MOGAT1: variants seen among roughly 807,000 people sequenced by gnomAD.
MOGAT1 encodes 2-acylglycerol O-acyltransferase 1.
In MOGAT1, 32 loss-of-function variants were observed where a neutral mutation model predicts 31.4. That is an observed-to-expected ratio of 1.02 (90% confidence interval 0.77 to 1.37). The LOEUF is 1.37. MOGAT1 is among the 40% of genes most tolerant of loss of function. MOGAT1 has a pLI of 0.00. For missense variants in MOGAT1, 426 were observed against 402.0 expected (o/e 1.06, Z -0.51); for synonymous variants, 145 against 144.5 (o/e 1.00, Z -0.03).
At chr2:222,698,925 T>G (rs7601761) in intron 5 of MOGAT1, 61,797 of 152,430 alleles carry the variant, frequency 0.41, 13,075 homozygotes, top group African/African-American at 0.51. Context: ...AACTCCAGCA[T>G]TTCTTGTGTG....
chr2:222,683,920 G>T (rs1692623230), intron 1 of MOGAT1, among the ~76,000 whole-genome samples: 1 of 152,168 alleles, frequency 6.6e-6, no homozygotes, highest in Admixed American at 6.5e-5. Context: ...AACTTTTAAA[G>T]TTATCAACAT....
intron 5 of MOGAT1, among the ~76,000 whole-genome samples, chr2:222,705,263 C>A (rs1574978645): frequency 6.6e-6 from 1 of 152,162 alleles, no homozygotes; most frequent in African/African-American, 2.4e-5. Context: ...GTTTTATCAG[C>A]AAGGTCTTTG....
At chr2:222,704,054 A>G (rs188902746) in intron 5 of MOGAT1, among the ~76,000 whole-genome samples, 8 of 152,320 alleles carry the variant, frequency 5.3e-5, no homozygotes, top group Admixed American at 4.6e-4. Context: ...GCAGTTGAGC[A>G]TACCAGCTAT....
chr2:222,674,324 A>G (rs1425561926), intron 1 of MOGAT1, among the ~76,000 whole-genome samples: 1 of 152,258 alleles, frequency 6.6e-6, no homozygotes, highest in Non-Finnish European at 1.5e-5. Flanking sequence ...AATTTCAAAC[A>G]TACAGAAACT....
chr2:222,677,617 G>A (rs756455391), intron 1 of MOGAT1: 3 of 292,678 alleles, frequency 1.0e-5, no homozygotes, highest in Non-Finnish European at 2.0e-5. Flanking sequence ...ACTATAAGGA[G>A]AGAAAAAGAA....
chr2:222,692,231 GC>G (rs1254828827), intron 3 of MOGAT1, among the ~76,000 whole-genome samples: 4 of 152,180 alleles, frequency 2.6e-5, no homozygotes, highest in African/African-American at 9.7e-5. Flanking sequence ...GCTAACAGTG[GC>G]AATGGCACTG....
chr2:222,708,149 T>A (rs968974303), intron 5 of MOGAT1, among the ~76,000 whole-genome samples: 1 of 152,218 alleles, frequency 6.6e-6, no homozygotes, highest in African/African-American at 2.4e-5. Flanking sequence ...AGTGGCGCAA[T>A]CCGGTCTTAC....
intron 1 of MOGAT1, among the ~76,000 whole-genome samples, chr2:222,686,963 A>G (rs1361910322): frequency 6.6e-6 from 1 of 151,752 alleles, no homozygotes; most frequent in African/African-American, 2.4e-5. Flanking sequence ...AAAATACAAA[A>G]ATTAGCTGGG....
At chr2:222,672,095 C>CT (rs1449931708) in intron 1 of MOGAT1, among the ~76,000 whole-genome samples, 1 of 152,192 alleles carries the variant, frequency 6.6e-6, no homozygotes, top group African/African-American at 2.4e-5. Flanking sequence ...TCCTGCGTTA[C>CT]TTTTTTAAAT....
chr2:222,692,277 T>C lies in MOGAT1; in HGVS notation c.479-2085T>C, dbSNP rs114562049. 6.9e-3 allele frequency among the ~76,000 whole-genome samples: 1,046 copies of C among 152,308 alleles called. 12 individuals are homozygous for C. The highest frequency in any genetic ancestry group is 0.024 in the African/African-American group (982 of 41,572). On this transcript the variant is annotated intron_variant, in intron 3 of 5. Transcript: ENST00000446656. The stretch of plus-strand genomic sequence containing the variant: ...AAGAGGAGATTAATATCAAAAATAT[T>C]TGATACAGTCTCTAAGACTTAATGA...
At chr2:222,684,927 T>C (rs1318232873) in intron 1 of MOGAT1, among the ~76,000 whole-genome samples, 2 of 152,218 alleles carry the variant, frequency 1.3e-5, no homozygotes, top group Admixed American at 1.3e-4. Context: ...GGGCAAACTT[T>C]ATGCAAGATT....
At chr2:222,681,971 C>T (rs558215937) in intron 1 of MOGAT1, among the ~76,000 whole-genome samples, 1 of 152,290 alleles carries the variant, frequency 6.6e-6, no homozygotes, top group East Asian at 1.9e-4. Context: ...GCGTTATATA[C>T]TTATTTACAC....
rs749466814 is a variant in MOGAT1, at chr2:222,689,339, T to G, written c.348T>G (p.Val116=). ...TTCACCCCCATGGAATAATGGCAGT[T>G]GGAGCCTTTGGGAATTTTTCTGTAA... The part of the protein sequence containing the change: ...FGFHPHGIMA[V]GAFGNFSVNY... Residue 116 remains valine (V), a synonymous_variant, in exon 3 of 6, where the codon GTT becomes GTG. Coordinates refer to ENST00000446656, the MANE Select transcript of MOGAT1 (RefSeq NM_058165.3). 1 of 1,614,062 alleles carries G rather than the reference T, an allele frequency of 6.2e-7. No homozygotes were observed. The highest frequency in any genetic ancestry group is 2.2e-5 in the East Asian group (1 of 44,886).
intron 5 of MOGAT1, among the ~76,000 whole-genome samples, chr2:222,699,790 G>A (rs559839984): frequency 2.6e-5 from 4 of 152,046 alleles, no homozygotes; most frequent in Non-Finnish European, 5.9e-5. Flanking sequence ...GAGCCACCGC[G>A]CCCAGCTTCT....
intron 1 of MOGAT1, among the ~76,000 whole-genome samples, chr2:222,673,047 G>A (rs1692445054): frequency 6.6e-6 from 1 of 151,716 alleles, no homozygotes; most frequent in Admixed American, 6.6e-5. Context: ...CCGAGTAGCT[G>A]GGGTTACAGG....
chr2:222,706,742 A>G (rs915433248), intron 5 of MOGAT1, among the ~76,000 whole-genome samples: 14 of 152,224 alleles, frequency 9.2e-5, no homozygotes, highest in African/African-American at 3.4e-4. Flanking sequence ...TCTCACTGGA[A>G]TAATTTCACT....
chr2:222,706,488 T>C (rs77090321), intron 5 of MOGAT1, among the ~76,000 whole-genome samples: 1,751 of 99,904 alleles, frequency 0.018, 21 homozygotes, highest in Middle Eastern at 0.039. Context: ...AAAAAAAAAA[T>C]TCATTCCATA....
intron 5 of MOGAT1, chr2:222,698,892 C>T (rs16864025): frequency 0.027 from 4,184 of 153,922 alleles, 91 homozygotes; most frequent in Non-Finnish European, 0.04. Flanking sequence ...TAGAAAAACT[C>T]AGAGTAGCTT....
At chr2:222,702,400 G>T (rs374832596) in intron 5 of MOGAT1, among the ~76,000 whole-genome samples, 2 of 152,248 alleles carry the variant, frequency 1.3e-5, no homozygotes, top group Admixed American at 6.5e-5. Context: ...ATAGGACATT[G>T]TTCTTGTTTT....
Sources: gnomAD v4.1 joint callset for allele counts (sites outside exome capture counted in the v4.1 genomes callset) on GRCh38, gnomAD v4.1.1 for gene constraint, MANE v1.5 for transcripts, NCBI Gene and HGNC (gene_info 2026-07-23, HGNC 2026-07-21) for gene names.